The following GPAT3 variants were observed in gnomAD, a reference collection of about 807,000 sequenced individuals.
The protein encoded by GPAT3 is 1-AGP acyltransferase 9.
Under a neutral mutation model 58.8 loss-of-function variants are expected in GPAT3, and 53 were observed. The observed-to-expected ratio is 0.90, with a 90% CI of 0.72 to 1.13. GPAT3 has a LOEUF of 1.13. Among genes scored for constraint, GPAT3 ranks in the 50% most tolerant of loss-of-function variants. The pLI, the probability that GPAT3 is intolerant of heterozygous loss-of-function variation, is 0.00. For synonymous variants in GPAT3, 197 were observed against 187.4 expected (o/e 1.05, Z -0.42); for missense variants, 511 against 527.6 (o/e 0.97, Z 0.31).
At chr4:83,578,948 T>TTTCTTTTCTTTTCTTTCTTTCTTTC (rs1553946756) in intron 2 of GPAT3, among the ~76,000 whole-genome samples, 1 of 71,848 alleles carries the variant, frequency 1.4e-5, no homozygotes, top group Non-Finnish European at 2.7e-5. Context: ...TTTTCTTTTC[T>TTTCTTTTCTTTTCTTTCTTTCTTTC]TTTCTTTCTT....
At chr4:83,570,505 CTCAG>C (rs1046393477) in intron 2 of GPAT3, among the ~76,000 whole-genome samples, 2 of 135,172 alleles carry the variant, frequency 1.5e-5, no homozygotes, top group Non-Finnish European at 3.0e-5. Context: ...CGGAGTCTTG[CTCAG>C]TCACTCAGGC....
intron 2 of GPAT3, among the ~76,000 whole-genome samples, chr4:83,564,852 T>C (rs1560612738): frequency 6.6e-6 from 1 of 152,042 alleles, no homozygotes; most frequent in Non-Finnish European, 1.5e-5. Context: ...TATTTTCTTT[T>C]TCTAACTTCT....
At chr4:83,582,529 A>C (rs1726184047) in intron 3 of GPAT3, among the ~76,000 whole-genome samples, 1 of 152,234 alleles carries the variant, frequency 6.6e-6, no homozygotes, top group Non-Finnish European at 1.5e-5. Flanking sequence ...TGGTAGCAGT[A>C]GTAGGCACGT....
At chr4:83,581,973 A>C (rs1674348) in intron 3 of GPAT3, 141 bp downstream of exon 3, 688,608 of 1,136,334 alleles carry the variant, frequency 0.61, 213,537 homozygotes, top group African/African-American at 0.87. Flanking sequence ...ATGACCTCTA[A>C]AGGAATGTAT....
At chr4:83,564,510 A>G (rs769154230) in intron 2 of GPAT3, among the ~76,000 whole-genome samples, 8 of 152,010 alleles carry the variant, frequency 5.3e-5, no homozygotes, top group Non-Finnish European at 7.4e-5. Context: ...ACCAGCCTGG[A>G]CAACATAGCA....
intron 11 of GPAT3, among the ~76,000 whole-genome samples, chr4:83,602,133 C>T (rs190039919): frequency 2.4e-4 from 37 of 152,230 alleles, no homozygotes; most frequent in African/African-American, 8.4e-4. Context: ...GTTCCTTTTC[C>T]TTATTTAAAA....
chr4:83,540,409 C>T (rs916978863), intron 1 of GPAT3, among the ~76,000 whole-genome samples: 1 of 152,098 alleles, frequency 6.6e-6, no homozygotes, highest in Non-Finnish European at 1.5e-5. Flanking sequence ...TCTGAGATAC[C>T]CCTGTAAGAG....
Position 83,552,261 on chromosome 4 carries a change from AC to A in GPAT3, c.208+7662del, listed in dbSNP as rs1724783544. Among the ~76,000 whole-genome samples the A allele has an allele frequency of 3.3e-5, 5 of 152,248 alleles. No individual in the cohort carries two copies. In the South Asian group the frequency reaches 1.0e-3, roughly 32 times the overall value. ...ATGTTCAGCAGCATCTCTGGCCTCTACCCAGTAGATGACAGACAGTAGCACA... is the reference window on the plus strand; with the variant it reads ...ATGTTCAGCAGCATCTCTGGCCTCTACCAGTAGATGACAGACAGTAGCACA... On this transcript the variant is annotated intron_variant, in intron 2 of 11. Transcript: ENST00000264409.
At chr4:83,542,927 G>C (rs1724360662) in intron 1 of GPAT3, among the ~76,000 whole-genome samples, 1 of 152,182 alleles carries the variant, frequency 6.6e-6, no homozygotes, top group Admixed American at 6.5e-5. Flanking sequence ...GAACCCTGGA[G>C]GTGGAGATTG....
Position 83,581,773 on chromosome 4 carries a change from G to T in GPAT3, c.420G>T (p.Arg140=), listed in dbSNP as rs1422541386. 6.2e-7 allele frequency: 1 copy of T among 1,614,106 alleles called. No individual in the cohort carries two copies. The highest frequency in any genetic ancestry group is 8.5e-7 in the Non-Finnish European group (1 of 1,180,016). ...TAAATTTCCAGTACATCAGTCTGCG[G>T]CTCACTATGGTGTGGGTGCTGGGCG... ...TNVNFQYISL[R]LTMVWVLGVI... The change falls in exon 3 of 12, where the codon CGG becomes CGT. Residue 140 remains arginine (R), a synonymous_variant. Transcript: ENST00000264409.
intron 2 of GPAT3, among the ~76,000 whole-genome samples, chr4:83,562,834 A>T (rs1386961260): frequency 6.6e-6 from 1 of 150,724 alleles, no homozygotes; most frequent in Non-Finnish European, 1.5e-5. Flanking sequence ...TTCTAACTAT[A>T]TATATATATT....
chr4:83,540,121 C>T (rs988216240), intron 1 of GPAT3, among the ~76,000 whole-genome samples: 8 of 146,796 alleles, frequency 5.4e-5, no homozygotes, highest in Non-Finnish European at 1.0e-4. Context: ...CACGCCACTG[C>T]GCTCTAGCCT....
intron 3 of GPAT3, among the ~76,000 whole-genome samples, chr4:83,583,667 G>GGAAAAAAA (rs1553947553): frequency 3.0e-4 from 7 of 23,478 alleles, no homozygotes; most frequent in African/African-American, 9.6e-4. Context: ...ACTCTTGTCT[G>GGAAAAAAA]AAAAAAAAAA....
intron 2 of GPAT3, among the ~76,000 whole-genome samples, chr4:83,549,166 GAAAA>G (rs36115990): frequency 7.8e-6 from 1 of 128,094 alleles, no homozygotes; most frequent in African/African-American, 2.9e-5. Flanking sequence ...AGACCCATCT[GAAAA>G]AAAAAAAAAA....
At chr4:83,555,035 C>T (rs112017349) in intron 2 of GPAT3, among the ~76,000 whole-genome samples, 22 of 152,222 alleles carry the variant, frequency 1.4e-4, no homozygotes, top group African/African-American at 5.3e-4. Flanking sequence ...AACTCCTGAC[C>T]TCAGGTGATC....
intron 2 of GPAT3, among the ~76,000 whole-genome samples, chr4:83,574,624 A>ATTTTTTTTTTTTTTTTTTTTTTT (rs561972057): frequency 1.8e-5 from 1 of 55,588 alleles, no homozygotes; most frequent in Non-Finnish European, 3.5e-5. Flanking sequence ...AGTAAAATGA[A>ATTTTTTTTTTTTTTTTTTTTTTT]TTTTTTTTTT....
chr4:83,565,161 C>T (rs9992349), intron 2 of GPAT3, among the ~76,000 whole-genome samples: 4,396 of 151,848 alleles, frequency 0.029, 233 homozygotes, highest in African/African-American at 0.099. Flanking sequence ...AGCACAGTGG[C>T]GCAATCTCAA....
upstream of GPAT3, chr4:83,535,957 G>C (rs562871104): frequency 2.0e-6 from 2 of 985,570 alleles, no homozygotes; most frequent in South Asian, 9.4e-5. Flanking sequence ...TGAGTGCTGG[G>C]GGAGGCGGGG....
At chr4:83,547,671 C>A (rs941189937) in intron 2 of GPAT3, among the ~76,000 whole-genome samples, 1 of 152,044 alleles carries the variant, frequency 6.6e-6, no homozygotes, top group African/African-American at 2.4e-5. Context: ...AATAAGCCAA[C>A]TGAAAGCTGA....
Sources: allele counts gnomAD v4.1 joint callset (sites outside exome capture counted in the v4.1 genomes callset), GRCh38; gene constraint gnomAD v4.1.1; transcripts MANE v1.5; gene names NCBI Gene and HGNC (gene_info 2026-07-23, HGNC 2026-07-21).